The following ZNF827 variants were observed in gnomAD, a reference collection of about 807,000 sequenced individuals.
ZNF827 encodes the protein zinc finger protein 827.
ZNF827 carries 13 observed loss-of-function variants against 102.4 expected under a neutral mutation model. The observed-to-expected ratio is 0.13, with a 90% CI of 0.08 to 0.20. ZNF827 has a LOEUF of 0.20. Among genes scored for constraint, ZNF827 ranks in the 10% least tolerant of loss-of-function variants. The probability of loss-of-function intolerance (pLI) is 1.00; values close to 1 mark genes in which losing one functional copy is unlikely to be tolerated. For missense variants in ZNF827, 1,103 were observed against 1,344.4 expected, an observed-to-expected ratio of 0.82 and a Z score of 2.81; for synonymous variants, 523 against 536.2, an observed-to-expected ratio of 0.98 and a Z score of 0.34.
chr4:145,785,650 T>C (rs768390055), intron 8 of ZNF827, among the ~76,000 whole-genome samples: 2 of 152,260 alleles, frequency 1.3e-5, no homozygotes, highest in South Asian at 2.1e-4. Flanking sequence ...TTCAATGTTT[T>C]CTGTTTTATA....
intron 7 of ZNF827, among the ~76,000 whole-genome samples, chr4:145,827,599 G>C (rs574237660): frequency 6.6e-6 from 1 of 152,296 alleles, no homozygotes; most frequent in African/African-American, 2.4e-5. Context: ...TTAGCTGTTT[G>C]TAAGCTTCTA....
At chr4:145,936,715 A>G (rs1373493273) in intron 1 of ZNF827, among the ~76,000 whole-genome samples, 1 of 152,002 alleles carries the variant, frequency 6.6e-6, no homozygotes, top group Non-Finnish European at 1.5e-5. Flanking sequence ...CTGCAGCGGA[A>G]AAGCACAAGC....
chr4:145,812,469 T>G (rs1342075898), intron 8 of ZNF827, among the ~76,000 whole-genome samples: 1 of 152,102 alleles, frequency 6.6e-6, no homozygotes, highest in East Asian at 1.9e-4. Flanking sequence ...AGCCCTGCAG[T>G]CTTTCTACTG....
intron 8 of ZNF827, among the ~76,000 whole-genome samples, chr4:145,805,853 G>C (rs950995644): frequency 1.3e-5 from 2 of 151,944 alleles, no homozygotes; most frequent in Non-Finnish European, 2.9e-5. Context: ...TCTTCCCCAC[G>C]AGGCAATACA....
chr4:145,893,185 CA>C (rs1750738594), intron 2 of ZNF827, among the ~76,000 whole-genome samples: 1 of 152,182 alleles, frequency 6.6e-6, no homozygotes, highest in Non-Finnish European at 1.5e-5. Flanking sequence ...AGAAATTAAA[CA>C]AACCAACTAC....
chr4:145,846,560 TA>T (rs1311596556), intron 6 of ZNF827, among the ~76,000 whole-genome samples: 3 of 144,818 alleles, frequency 2.1e-5, no homozygotes, highest in Non-Finnish European at 3.0e-5. Context: ...CTCATGCCTG[TA>T]ATCCCAGCAC....
chr4:145,785,321 C>T (rs927072557), intron 8 of ZNF827, among the ~76,000 whole-genome samples: 6 of 152,128 alleles, frequency 3.9e-5, no homozygotes, highest in African/African-American at 9.7e-5. Flanking sequence ...TCATTTCATG[C>T]GTAGGTCCTG....
chr4:145,786,054 A>T (rs1333396238), intron 8 of ZNF827, among the ~76,000 whole-genome samples: 1 of 152,186 alleles, frequency 6.6e-6, no homozygotes, highest in African/African-American at 2.4e-5. Context: ...TGAGGTAAAC[A>T]TGGTATTACT....
intron 3 of ZNF827, among the ~76,000 whole-genome samples, chr4:145,891,921 C>T (rs576268890): frequency 6.6e-6 from 1 of 152,334 alleles, no homozygotes; most frequent in South Asian, 2.1e-4. Flanking sequence ...TGCTATTCCC[C>T]AGCCCTGCCT....
At chr4:145,922,944 T>A (rs982700478) in intron 1 of ZNF827, among the ~76,000 whole-genome samples, 2 of 152,210 alleles carry the variant, frequency 1.3e-5, no homozygotes, top group African/African-American at 4.8e-5. Flanking sequence ...CCCAATACGG[T>A]CCTTAAACAC....
chr4:145,774,433 C>T (rs1736730176), intron 11 of ZNF827, 73 bp downstream of exon 11: 15 of 1,516,610 alleles, frequency 9.9e-6, no homozygotes, highest in African/African-American at 2.7e-5. Context: ...GGGGATGCTT[C>T]GGCCAGGTGG....
intron 1 of ZNF827, among the ~76,000 whole-genome samples, chr4:145,906,138 A>G (rs1751853355): frequency 1.3e-5 from 2 of 152,226 alleles, no homozygotes; most frequent in Non-Finnish European, 2.9e-5. Context: ...GAGCTAATGC[A>G]GAAACCAAGA....
At chr4:145,806,192 C>T (rs1422751892) in intron 8 of ZNF827, among the ~76,000 whole-genome samples, 2 of 148,356 alleles carry the variant, frequency 1.3e-5, no homozygotes, top group African/African-American at 2.5e-5. Flanking sequence ...GGGTCTGTTG[C>T]CCAGGCTGGA....
intron 1 of ZNF827, among the ~76,000 whole-genome samples, chr4:145,927,453 G>A (rs1474892896): frequency 6.6e-6 from 1 of 152,226 alleles, no homozygotes; most frequent in Non-Finnish European, 1.5e-5. Flanking sequence ...GTAGAAGTTA[G>A]AAGGAAGATA....
intron 8 of ZNF827, among the ~76,000 whole-genome samples, chr4:145,820,418 A>G (rs17020615): frequency 0.46 from 69,785 of 152,042 alleles, 18,087 homozygotes; most frequent in African/African-American, 0.71. Flanking sequence ...TCTGCTGAAC[A>G]AAGACGTTTG....
chr4:145,874,611 C>A (rs1024132435), intron 4 of ZNF827, among the ~76,000 whole-genome samples: 2 of 152,134 alleles, frequency 1.3e-5, no homozygotes, highest in African/African-American at 2.4e-5. Context: ...AAGATGTTTT[C>A]TTTTTCTTTG....
chr4:145,809,921 C>A (rs1356388075), intron 8 of ZNF827, among the ~76,000 whole-genome samples: 1 of 152,268 alleles, frequency 6.6e-6, no homozygotes, highest in East Asian at 1.9e-4. Context: ...TGCTAGGCTG[C>A]CCTGCATTAA....
chr4:145,924,802 C>T (rs531646708), intron 1 of ZNF827, among the ~76,000 whole-genome samples: 7 of 152,298 alleles, frequency 4.6e-5, no homozygotes, highest in Admixed American at 2.0e-4. Flanking sequence ...CATATTTTTC[C>T]TACTTCTTAT....
intron 13 of ZNF827, chr4:145,764,651 G>A: frequency 3.5e-6 from 1 of 283,170 alleles, no homozygotes; most frequent in Middle Eastern, 1.2e-3. Flanking sequence ...TTATGCTTGG[G>A]GACACTAAGC....
Sources: gnomAD v4.1 joint callset for allele counts (sites outside exome capture counted in the v4.1 genomes callset) on GRCh38, gnomAD v4.1.1 for gene constraint, MANE v1.5 for transcripts, NCBI Gene and HGNC (gene_info 2026-07-23, HGNC 2026-07-21) for gene names.